Variants in PRKG1 observed in about 807,000 individuals in gnomAD.
PRKG1 encodes cGMP-dependent protein kinase 1.
In PRKG1, 35 loss-of-function variants were observed where a neutral mutation model predicts 88.1. The observed-to-expected ratio is 0.40, with a 90% CI of 0.30 to 0.53. The LOEUF (loss-of-function observed/expected upper bound fraction) is 0.53, where lower values mean the gene tolerates loss of function less well. Ranked by LOEUF, PRKG1 falls within the 20% of genes least tolerant of loss-of-function variation. The pLI is 0.59. For synonymous variants in PRKG1, 303 were observed against 292.5 expected, an observed-to-expected ratio of 1.04 and a Z score of -0.37; for missense variants, 540 against 839.8, an observed-to-expected ratio of 0.64 and a Z score of 4.41.
intron 5 of PRKG1, among the ~76,000 whole-genome samples, chr10:51,912,679 G>A (rs1249494287): frequency 3.3e-5 from 5 of 152,048 alleles, no homozygotes; most frequent in East Asian, 1.9e-4. Context: ...AAGAAGGCAA[G>A]GGTACAACAC....
chr10:51,570,937 A>G (rs1240375272), intron 3 of PRKG1, among the ~76,000 whole-genome samples: 1 of 152,006 alleles, frequency 6.6e-6, no homozygotes, highest in African/African-American at 2.4e-5. Context: ...ACAAAACTGC[A>G]TGGACATTTC....
intron 4 of PRKG1, among the ~76,000 whole-genome samples, chr10:51,854,043 A>C (rs965090920): frequency 6.6e-6 from 1 of 152,262 alleles, no homozygotes; most frequent in East Asian, 1.9e-4. Context: ...TTTGGAAGTC[A>C]GATGTTAATA....
At chr10:52,264,050 C>T (rs1299262888) in intron 10 of PRKG1, among the ~76,000 whole-genome samples, 3 of 151,932 alleles carry the variant, frequency 2.0e-5, no homozygotes, top group Admixed American at 2.0e-4. Context: ...AATTTTAGGG[C>T]AGTTTTATGG....
At chr10:52,089,831 G>GTTTTTTT (rs1847008844) in intron 7 of PRKG1, among the ~76,000 whole-genome samples, 4 of 17,730 alleles carry the variant, frequency 2.3e-4, no homozygotes, top group African/African-American at 6.9e-4. Context: ...TTTTTTTTGA[G>GTTTTTTT]ATGGAGTCTT....
At chr10:51,959,411 T>C (rs1843392064) in intron 5 of PRKG1, among the ~76,000 whole-genome samples, 1 of 152,150 alleles carries the variant, frequency 6.6e-6, no homozygotes, top group Non-Finnish European at 1.5e-5. Context: ...TCTAATAATA[T>C]TGAGTACTGC....
intron 2 of PRKG1, among the ~76,000 whole-genome samples, chr10:51,175,517 C>G (rs1837167914): frequency 6.6e-6 from 1 of 151,820 alleles, no homozygotes; most frequent in Non-Finnish European, 1.5e-5. Flanking sequence ...AAATTGATTC[C>G]AATATGATTA....
chr10:51,384,993 G>A (rs1837214437), intron 2 of PRKG1, among the ~76,000 whole-genome samples: 1 of 152,160 alleles, frequency 6.6e-6, no homozygotes, highest in South Asian at 2.1e-4. Flanking sequence ...TTTATAATAA[G>A]TATTGCAAGT....
At chr10:51,140,750 G>A (rs1845800669) in intron 1 of PRKG1, among the ~76,000 whole-genome samples, 1 of 152,042 alleles carries the variant, frequency 6.6e-6, no homozygotes, top group Non-Finnish European at 1.5e-5. Context: ...TTTATTCTGG[G>A]AAATGACCAA....
chr10:51,478,830 C>A (rs1291454923), intron 3 of PRKG1, among the ~76,000 whole-genome samples: 1 of 148,730 alleles, frequency 6.7e-6, no homozygotes, highest in African/African-American at 2.5e-5. Flanking sequence ...TTGAGGCTAC[C>A]AAATTATTAA....
At chr10:51,698,775 G>A (rs766752877) in intron 3 of PRKG1, 1 of 1,614,162 alleles carries the variant, frequency 6.2e-7, no homozygotes, top group Non-Finnish European at 8.5e-7. Flanking sequence ...ATTCCACCCT[G>A]GATAGGAGTC....
At chr10:52,242,546 G>T (rs11815072) in intron 9 of PRKG1, among the ~76,000 whole-genome samples, 336 of 152,198 alleles carry the variant, frequency 2.2e-3, no homozygotes, top group African/African-American at 7.7e-3. Context: ...ATACCAAAAG[G>T]GAGAAAACCT....
At chr10:52,009,259 A>T (rs1410923388) in intron 5 of PRKG1, among the ~76,000 whole-genome samples, 1 of 152,302 alleles carries the variant, frequency 6.6e-6, no homozygotes, top group East Asian at 1.9e-4. Context: ...ATGTGATTCT[A>T]TATCTAGAAA....
At chr10:52,224,833 A>G (rs903655889) in intron 9 of PRKG1, among the ~76,000 whole-genome samples, 1 of 141,280 alleles carries the variant, frequency 7.1e-6, no homozygotes, top group Non-Finnish European at 1.5e-5. Flanking sequence ...ATATATATAT[A>G]TATATACATA....
At chr10:51,309,314 G>T (rs994070124) in intron 2 of PRKG1, among the ~76,000 whole-genome samples, 4 of 152,152 alleles carry the variant, frequency 2.6e-5, no homozygotes, top group African/African-American at 9.7e-5. Context: ...TACAGAATGG[G>T]AGAAAATACT....
chr10:51,958,240 G>T (rs1387259809), intron 5 of PRKG1, among the ~76,000 whole-genome samples: 2 of 152,112 alleles, frequency 1.3e-5, no homozygotes, highest in East Asian at 1.9e-4. Flanking sequence ...CCATCACTCA[G>T]GCCTCCTGGG....
chr10:52,065,601 G>GT (rs1422251046), intron 7 of PRKG1, among the ~76,000 whole-genome samples: 2 of 152,098 alleles, frequency 1.3e-5, no homozygotes, highest in Non-Finnish European at 2.9e-5. Flanking sequence ...AAATTCAGAA[G>GT]TAACTACACT....
At chr10:51,945,135 G>C (rs1308823480) in intron 5 of PRKG1, among the ~76,000 whole-genome samples, 1 of 150,132 alleles carries the variant, frequency 6.7e-6, no homozygotes, top group Admixed American at 6.6e-5. Context: ...GACTCTGGGT[G>C]CTCCTGTATT....
intron 3 of PRKG1, among the ~76,000 whole-genome samples, chr10:51,499,340 C>A (rs1290461526): frequency 6.6e-6 from 1 of 152,108 alleles, no homozygotes; most frequent in Non-Finnish European, 1.5e-5. Flanking sequence ...AAGGCACTCT[C>A]AAAGCCTTCC....
intron 7 of PRKG1, among the ~76,000 whole-genome samples, chr10:52,086,288 G>C (rs1427276876): frequency 1.3e-5 from 2 of 151,868 alleles, no homozygotes; most frequent in Non-Finnish European, 2.9e-5. Context: ...GTAAAAGTGA[G>C]TAGATACATG....
Sources: gnomAD v4.1 joint callset for allele counts (sites outside exome capture counted in the v4.1 genomes callset) on GRCh38, gnomAD v4.1.1 for gene constraint, MANE v1.5 for transcripts, NCBI Gene and HGNC (gene_info 2026-07-23, HGNC 2026-07-21) for gene names.